LRRN2: variants seen among roughly 807,000 people sequenced by gnomAD.
LRRN2 encodes the protein leucine rich repeat neuronal 2, also known as leucine-rich repeat neuronal protein 2.
In LRRN2, 10 loss-of-function variants were observed where a neutral mutation model predicts 35.7. The ratio of observed to expected loss-of-function variants is 0.28; its 90% CI spans 0.17 to 0.47. The LOEUF is 0.47. Among genes scored for constraint, LRRN2 ranks in the 20% least tolerant of loss-of-function variants. The pLI is 0.99. For missense variants in LRRN2, 731 were observed against 940.3 expected (o/e 0.78, Z 2.91); for synonymous variants, 391 against 409.6 (o/e 0.95, Z 0.55).
At chr1:204,653,767 C>A (rs1375453543) in intron 1 of LRRN2, among the ~76,000 whole-genome samples, 1 of 150,346 alleles carries the variant, frequency 6.7e-6, no homozygotes, top group Non-Finnish European at 1.5e-5. Flanking sequence ...GAGGCTGAGG[C>A]AGGAGGATCA....
chr1:204,656,186 G>A (rs1482133445), intron 1 of LRRN2, among the ~76,000 whole-genome samples: 1 of 152,208 alleles, frequency 6.6e-6, no homozygotes, highest in East Asian at 1.9e-4. Flanking sequence ...TGGGATTACA[G>A]GTGTGAGCCA....
chr1:204,634,173 C>A (rs1217774902), intron 1 of LRRN2, among the ~76,000 whole-genome samples: 1 of 152,194 alleles, frequency 6.6e-6, no homozygotes, highest in African/African-American at 2.4e-5. Flanking sequence ...AAAAAGCCCA[C>A]CTATATTTCA....
intron 1 of LRRN2, among the ~76,000 whole-genome samples, chr1:204,665,788 G>T (rs1275392030): frequency 6.6e-6 from 1 of 152,176 alleles, no homozygotes; most frequent in Non-Finnish European, 1.5e-5. Context: ...ATCACATTTG[G>T]CTCTTCACAC....
At chr1:204,638,345 T>C (rs889837947) in intron 1 of LRRN2, among the ~76,000 whole-genome samples, 69 of 150,646 alleles carry the variant, frequency 4.6e-4, no homozygotes, top group African/African-American at 1.6e-3. Context: ...GGCACCCTTA[T>C]TTTACAGGCA....
At chr1:204,679,723 C>T (rs1668904020) in intron 1 of LRRN2, among the ~76,000 whole-genome samples, 1 of 152,236 alleles carries the variant, frequency 6.6e-6, no homozygotes, top group Admixed American at 6.5e-5. Flanking sequence ...TCCCAGCAAG[C>T]CACCCTTGCA....
At chr1:204,645,028 G>A (rs1007874786) in intron 1 of LRRN2, among the ~76,000 whole-genome samples, 10 of 152,232 alleles carry the variant, frequency 6.6e-5, no homozygotes, top group African/African-American at 2.2e-4. Flanking sequence ...GAGGGCTTTC[G>A]CCAGCTATCT....
In LRRN2 at chr1:204,631,256, CTATATATATATATATA is replaced by C. The variant is rs1162626713; in HGVS notation, c.-226-11054_-226-11039del. Among the ~76,000 whole-genome samples, 61 of 36,922 alleles carry C rather than the reference CTATATATATATATATA, an allele frequency of 1.7e-3. 3 individuals are homozygous for C. The highest frequency in any genetic ancestry group is 0.013 in the Middle Eastern group (1 of 76). The allele number at this position is 36,922 out of a possible 152,430, so 24.2% of individuals were successfully genotyped here. A position where few individuals can be genotyped will look rare whatever the true frequency, so the allele number is the denominator to read the frequency against. On this transcript the variant is annotated intron_variant, in intron 1 of 1. Coordinates refer to ENST00000367177, the MANE Select transcript of LRRN2 (RefSeq NM_201630.2). ...CAAGAAGAGTGATACCTAGAGTGTTCTATATATATATATATATATATATATATATATATATATATAT... is the reference window on the plus strand; with the variant it reads ...CAAGAAGAGTGATACCTAGAGTGTTCTATATATATATATATATATATATAT...
chr1:204,636,677 A>T (rs1474064550), intron 1 of LRRN2, among the ~76,000 whole-genome samples: 3 of 152,134 alleles, frequency 2.0e-5, no homozygotes, highest in Non-Finnish European at 2.9e-5. Flanking sequence ...AGACAGGAGG[A>T]TCCCTTGAGC....
intron 1 of LRRN2, among the ~76,000 whole-genome samples, chr1:204,679,842 G>T (rs1398421570): frequency 1.3e-5 from 2 of 152,224 alleles, no homozygotes; most frequent in East Asian, 3.8e-4. Context: ...AGGAAACAAT[G>T]TTGGATCTTA....
rs556545946 is a variant in LRRN2 at position 204,646,900 on chromosome 1, G to T, written c.-226-26682C>A. Reference sequence around the variant, plus strand: ...AATCCCACCTCCACCACTTGCTCAAGGACACTTGGCAGGTGAGCCCAGCTA... The same window carrying T: ...AATCCCACCTCCACCACTTGCTCAATGACACTTGGCAGGTGAGCCCAGCTA... On this transcript the variant is annotated intron_variant, in intron 1 of 1. Transcript: ENST00000367177. Among the ~76,000 whole-genome samples the T allele has an allele frequency of 3.5e-4, 54 of 152,296 alleles. 1 individual carries two copies. Among genetic ancestry groups the T allele is most frequent in the African/African-American group, 1.3e-3 (52 of 41,576 alleles).
chr1:204,665,906 G>C (rs768912702), intron 1 of LRRN2, among the ~76,000 whole-genome samples: 4 of 152,206 alleles, frequency 2.6e-5, no homozygotes, highest in African/African-American at 4.8e-5. Flanking sequence ...AAACACCCCA[G>C]TAGACTTTTC....
In LRRN2 at chr1:204,618,436, G is replaced by T; in HGVS notation, c.1557C>A (p.Leu519=). 6.2e-7 allele frequency: 1 copy of T among 1,614,186 alleles called. No individual in the cohort carries two copies. The change falls in exon 2 of 2, where the codon CTC becomes CTA. Residue 519 remains leucine, a synonymous_variant. Transcript: ENST00000367177. ...TVSVVVGRAL[L]QPGRDEGQGL... ...CCTGTCCTTCGTCCCTGCCTGGCTG[G>T]AGGAGAGCACGGCCCACAACCACAC...
intron 1 of LRRN2, among the ~76,000 whole-genome samples, chr1:204,671,094 C>T (rs1668699849): frequency 6.6e-6 from 1 of 152,128 alleles, no homozygotes; most frequent in Admixed American, 6.5e-5. Context: ...GATGGCCATG[C>T]TGTGGCCTCT....
At position 204,685,345 on chromosome 1, in the gene LRRN2, C is replaced by A. The variant is rs1449587059; in HGVS notation, c.-252G>T. 3.3e-5 allele frequency: 5 copies of A among 151,674 alleles called. No individual in the cohort carries two copies. Among genetic ancestry groups the A allele is most frequent in the African/African-American group, 7.3e-5 (3 of 41,360 alleles). 9.4% of individuals were successfully genotyped at this position (151,674 alleles called of 1,614,324 possible). ...CCCGTGGGCGCCGGGCACCGTCTGCCGTCTGCTGCCCGCGCGGCCGCGCTC... is the reference window on the plus strand; with the variant it reads ...CCCGTGGGCGCCGGGCACCGTCTGCAGTCTGCTGCCCGCGCGGCCGCGCTC... On this transcript the variant is annotated 5_prime_UTR_variant, in exon 1 of 2. Coordinates refer to ENST00000367177, the MANE Select transcript of LRRN2 (RefSeq NM_201630.2).
chr1:204,663,896 G>C (rs1668519661), intron 1 of LRRN2: 1 of 152,178 alleles, frequency 6.6e-6, no homozygotes, highest in Admixed American at 6.5e-5. Context: ...AGTGCACAGG[G>C]AACAATGGAG....
At chr1:204,624,657 G>A (rs78452428) in intron 1 of LRRN2, among the ~76,000 whole-genome samples, 1,555 of 152,122 alleles carry the variant, frequency 0.01, 47 homozygotes, top group East Asian at 0.081. Context: ...TCAGGCCCCC[G>A]GCCCCAGCAC....
At chr1:204,633,455 A>ATGC (rs767728955) in intron 1 of LRRN2, among the ~76,000 whole-genome samples, 16 of 152,198 alleles carry the variant, frequency 1.1e-4, no homozygotes, top group Non-Finnish European at 1.9e-4. Flanking sequence ...AAGATACAGT[A>ATGC]TGCTTCCAAG....
intron 1 of LRRN2, chr1:204,628,224 G>C (rs1182920642): frequency 6.6e-6 from 1 of 152,270 alleles, no homozygotes; most frequent in South Asian, 2.1e-4. Flanking sequence ...TCTGACTCAA[G>C]TTCTTGCCTC....
Position 204,618,662 on chromosome 1 carries a change from T to G in LRRN2, c.1331A>C (p.His444Pro), listed in dbSNP as rs756065786. 4 of 1,605,436 alleles carry G rather than the reference T, an allele frequency of 2.5e-6. No individual in the cohort carries two copies. Among genetic ancestry groups the G allele is most frequent in the South Asian group, 2.2e-5 (2 of 89,222 alleles). The change falls in exon 2 of 2, where the codon CAT becomes CCT. Residue 444 changes from histidine to proline, a missense_variant. By Grantham distance (77) the His-to-Pro change is moderately conservative. Around this residue, in one of 3 missense-constraint regions of LRRN2, gnomAD observed 256 missense variants for 392.4 expected, o/e 0.65. Transcript: ENST00000367177. ...QVASGESMVL[H>P]CRALAEPEPE... ...TTCGGGTTCGGCCAGTGCCCGGCAA[T>G]GCAGCACCATGCTCTCTCCACTGGC... is the stretch of plus-strand genomic sequence containing the variant.
Sources: gnomAD v4.1 joint callset for allele counts (sites outside exome capture counted in the v4.1 genomes callset) on GRCh38, gnomAD v4.1.1 for gene constraint, gnomAD v4.1.1 regional missense constraint, MANE v1.5 for transcripts, NCBI Gene and HGNC (gene_info 2026-07-23, HGNC 2026-07-21) for gene names.